Variants in SYNJ1 observed in about 807,000 individuals in gnomAD.
SYNJ1 encodes polyphosphatidylinositol phosphatase SYNJ1.
A neutral mutation model predicts 168.2 loss-of-function variants in SYNJ1; 78 were observed. The ratio of observed to expected loss-of-function variants is 0.46; its 90% CI spans 0.39 to 0.56. SYNJ1 has a LOEUF of 0.56. Ranked by LOEUF, SYNJ1 falls within the 20% of genes least tolerant of loss-of-function variation. The pLI, the probability that SYNJ1 is intolerant of heterozygous loss-of-function variation, is 0.00. For synonymous variants in SYNJ1, 539 were observed against 548.6 expected, an observed-to-expected ratio of 0.98 and a Z score of 0.24; for missense variants, 1,303 against 1,597.6, an observed-to-expected ratio of 0.82 and a Z score of 3.14.
chr21:32,709,497 A>AAAAAC lies in SYNJ1; in HGVS notation c.125-7451_125-7450insGTTTT, dbSNP rs1555909946. On this transcript the variant is annotated intron_variant, in intron 2 of 32. Coordinates refer to ENST00000674351, the MANE Select transcript of SYNJ1 (RefSeq NM_203446.3). ...TGTCTCAAAAAAAAAAAAAAAAAAA[A>AAAAAC]AAAAGAAAGAGATTTTATGGAGTGT... 3.4e-4 allele frequency among the ~76,000 whole-genome samples: 51 copies of AAAAAC among 148,902 alleles called. 2 individuals carry two copies. Among genetic ancestry groups the AAAAAC allele is most frequent in the African/African-American group, 1.3e-3 (50 of 39,820 alleles).
At chr21:32,715,436 T>C (rs2042987861) in intron 2 of SYNJ1, among the ~76,000 whole-genome samples, 2 of 151,144 alleles carry the variant, frequency 1.3e-5, no homozygotes, top group Middle Eastern at 3.4e-3. Flanking sequence ...ATCATGCCAC[T>C]GCACTCCAGC....
chr21:32,696,505 A>T (rs1032621143), intron 4 of SYNJ1, among the ~76,000 whole-genome samples: 21 of 152,220 alleles, frequency 1.4e-4, no homozygotes, highest in African/African-American at 4.1e-4. Flanking sequence ...GAACATATAA[A>T]GAAGCTACTA....
intron 2 of SYNJ1, among the ~76,000 whole-genome samples, chr21:32,724,389 G>C (rs763388583): frequency 6.6e-6 from 1 of 152,064 alleles, no homozygotes; most frequent in South Asian, 2.1e-4. Flanking sequence ...TTGGGAGGCC[G>C]AGGCAGGAGA....
intron 9 of SYNJ1, 63 bp downstream of exon 9, chr21:32,685,682 TCAA>T (rs2041814131): frequency 1.6e-6 from 2 of 1,215,510 alleles, no homozygotes; most frequent in East Asian, 5.7e-5. Flanking sequence ...ATTTAAGAGT[TCAA>T]CGTTAAGAAT....
chr21:32,652,491 G>A (rs1405874046), intron 22 of SYNJ1, among the ~76,000 whole-genome samples: 4 of 152,168 alleles, frequency 2.6e-5, no homozygotes, highest in South Asian at 2.1e-4. Context: ...GTGAGCCACC[G>A]CACCCAGCCT....
intron 22 of SYNJ1, among the ~76,000 whole-genome samples, chr21:32,651,500 G>A (rs760976159): frequency 2.0e-5 from 3 of 152,190 alleles, no homozygotes; most frequent in Admixed American, 2.0e-4. Context: ...TTGCCAAGTA[G>A]ATATGAGTAC....
intron 2 of SYNJ1, among the ~76,000 whole-genome samples, chr21:32,706,381 A>T (rs1179761774): frequency 1.3e-5 from 2 of 152,072 alleles, no homozygotes; most frequent in Non-Finnish European, 2.9e-5. Flanking sequence ...ATTTTATGAT[A>T]GTTTTACAAG....
At chr21:32,650,464 T>C (rs2145811101) in intron 22 of SYNJ1, 118 bp from the exon 23 acceptor site, 1 of 781,612 alleles carries the variant, frequency 1.3e-6, no homozygotes, top group African/African-American at 1.8e-5. Context: ...AGTTAGACAA[T>C]TCAGCTAACT....
intron 30 of SYNJ1, 40 bp from the exon 31 acceptor site, chr21:32,639,165 G>GA (rs749889498): frequency 1.9e-6 from 3 of 1,547,308 alleles, no homozygotes; most frequent in Non-Finnish European, 2.6e-6. Context: ...GTATATTCTA[G>GA]AAAACCATGT....
Position 32,656,777 on chromosome 21 carries a change from C to T in SYNJ1, c.2705G>A (p.Ser902Asn). The T allele has an allele frequency of 6.2e-7, 1 of 1,614,100 alleles. No individual in the cohort carries two copies. The highest frequency in any genetic ancestry group is 8.5e-7 in the Non-Finnish European group (1 of 1,180,004). Residue 902 changes from serine to asparagine, a missense_variant, in exon 21 of 33, where the codon AGT (serine) becomes AAT (asparagine). Ser to Asn is a conservative substitution (Grantham distance 46). This residue lies in a region of SYNJ1 where 920 missense variants were observed against 1,208.8 expected (regional missense o/e 0.76). Coordinates refer to ENST00000674351, the MANE Select transcript of SYNJ1 (RefSeq NM_203446.3). ...PDGTVLVSIK[S>N]SLPENNFFDD... ...AAAAAAATTATTTTCTGGTAAAGAA[C>T]TTTTGATTGAGACCAATACTGTACC... is the stretch of plus-strand genomic sequence containing the variant.
chr21:32,644,955 T>C lies in SYNJ1; in HGVS notation c.3430+13A>G. On this transcript the variant is annotated intron_variant, in intron 26 of 32. Transcript: ENST00000674351. ...ACCACGATTCACACATGCTAACAAATGTAAATGGTTACCTCCAAATTCCTT... is the reference window on the plus strand; with the variant it reads ...ACCACGATTCACACATGCTAACAAACGTAAATGGTTACCTCCAAATTCCTT... 1 of 1,607,122 alleles carries C rather than the reference T, an allele frequency of 6.2e-7. No individual in the cohort carries two copies.
At chr21:32,702,072 GA>G in intron 2 of SYNJ1, 25 bp from the exon 3 acceptor site, 1 of 1,508,086 alleles carries the variant, frequency 6.6e-7, no homozygotes, top group South Asian at 1.3e-5. Flanking sequence ...TTTAGTTTAA[GA>G]AAAATGACCT....
rs111279636 is a variant in SYNJ1 at position 32,636,837 on chromosome 21, G to A, written c.3916-1953C>T. ...GTGTCTGTGTATCTAATATTAAGGA[G>A]TTTGATATCAATGACTGAGGCAAAA... On this transcript the variant is annotated intron_variant, in intron 31 of 32. Transcript: ENST00000674351. Among the ~76,000 whole-genome samples, 12 of 152,048 alleles carry A rather than the reference G, an allele frequency of 7.9e-5. 1 individual carries two copies. The highest frequency in any genetic ancestry group is 2.7e-4 in the African/African-American group (11 of 41,466).
In SYNJ1 at chr21:32,683,053, T is replaced by A. The variant is rs115530947; in HGVS notation, c.1200+985A>T. Among the ~76,000 whole-genome samples the A allele has an allele frequency of 1.2e-3, 179 of 152,246 alleles. 1 individual carries two copies. Among genetic ancestry groups the A allele is most frequent in the African/African-American group, 4.1e-3 (172 of 41,576 alleles). On this transcript the variant is annotated intron_variant, in intron 10 of 32. Coordinates refer to ENST00000674351, the MANE Select transcript of SYNJ1 (RefSeq NM_203446.3). ...GAATTTTATACACTGTACTTTCATTTTTGAGATAAAGAACCTCAGCTGCAA... is the reference window on the plus strand; with the variant it reads ...GAATTTTATACACTGTACTTTCATTATTGAGATAAAGAACCTCAGCTGCAA...
chr21:32,684,100 G>T lies in SYNJ1; in HGVS notation c.1138C>A (p.Arg380=). The change falls in exon 10 of 33, where the codon CGA becomes AGA. Residue 380 remains arginine, a synonymous_variant. Coordinates refer to ENST00000674351, the MANE Select transcript of SYNJ1 (RefSeq NM_203446.3). The stretch of plus-strand genomic sequence containing the variant: ...TCAAGACAATCCAAGCAGTTTGTTC[G>T]AACTGTACCACTCTGGCATCTGTAA... The part of the protein sequence containing the change: ...EVQRCQSGTV[R]TNCLDCLDRT... The T allele has an allele frequency of 6.2e-7, 1 of 1,613,528 alleles. No individual in the cohort carries two copies. The highest frequency in any genetic ancestry group is 8.5e-7 in the Non-Finnish European group (1 of 1,179,686).
chr21:32,678,180 T>C (rs1373201429), intron 12 of SYNJ1, among the ~76,000 whole-genome samples: 2 of 152,192 alleles, frequency 1.3e-5, no homozygotes, highest in African/African-American at 2.4e-5. Context: ...ATTATTAATA[T>C]GATTTAATGC....
intron 2 of SYNJ1, among the ~76,000 whole-genome samples, chr21:32,722,202 A>G (rs1435780422): frequency 2.1e-5 from 2 of 94,510 alleles, no homozygotes; most frequent in African/African-American, 8.1e-5. Flanking sequence ...AAAAAAAAAA[A>G]AAAATATATA....
chr21:32,726,784 C>A lies in SYNJ1; in HGVS notation c.112G>T (p.Val38Phe), dbSNP rs1164775656. 7 of 1,614,032 alleles carry A rather than the reference C, an allele frequency of 4.3e-6. No homozygotes were observed. The highest frequency in any genetic ancestry group is 5.9e-6 in the Non-Finnish European group (7 of 1,180,026). The stretch of plus-strand genomic sequence containing the variant: ...ACAGATGACTTACAGAGCACAGCGA[C>A]AGCCCCAGACTCGAACATGAGACAT... ...EECLMFESGA[V>F]AVLSSAEKEA... Residue 38 changes from valine to phenylalanine, a missense_variant, in exon 2 of 33, where the codon GTC becomes TTC. Physicochemically the swap from Val to Phe is conservative, Grantham distance 50. Coordinates refer to ENST00000674351, the MANE Select transcript of SYNJ1 (RefSeq NM_203446.3).
At chr21:32,644,018 C>G (rs1038843894) in intron 26 of SYNJ1, among the ~76,000 whole-genome samples, 3 of 152,142 alleles carry the variant, frequency 2.0e-5, no homozygotes, top group African/African-American at 7.2e-5. Flanking sequence ...CACTGTAATC[C>G]ACTGGCTTGC....
Sources: gnomAD v4.1 joint callset for allele counts (sites outside exome capture counted in the v4.1 genomes callset) on GRCh38, gnomAD v4.1.1 for gene constraint, gnomAD v4.1.1 regional missense constraint, MANE v1.5 for transcripts, NCBI Gene and HGNC (gene_info 2026-07-23, HGNC 2026-07-21) for gene names.